Variants in CPZ observed in about 807,000 individuals in gnomAD.
The protein encoded by CPZ is VEZT/CPZ fusion.
Under a neutral mutation model 61.8 loss-of-function variants are expected in CPZ, and 103 were observed. The ratio of observed to expected loss-of-function variants is 1.67; its 90% CI spans 1.42 to 1.96. The LOEUF (loss-of-function observed/expected upper bound fraction) is 1.96. Ranked by LOEUF, CPZ falls within the 30% of genes most tolerant of loss-of-function variation. The pLI is 0.00. For synonymous variants in CPZ, 551 were observed against 373.7 expected (o/e 1.47, Z -5.47); for missense variants, 1,461 against 914.9 (o/e 1.60, Z -7.70).
intron 7 of CPZ, among the ~76,000 whole-genome samples, chr4:8,609,328 CTTTTTCACTCACTCAT>C (rs1171387141): frequency 6.8e-6 from 1 of 146,248 alleles, no homozygotes; most frequent in African/African-American, 2.5e-5. Context: ...TATTCACTCA[CTTTTTCACTCACTCAT>C]TCTCTCATTC....
At position 8,606,759 on chromosome 4, in the gene CPZ, C is replaced by T. The variant is rs780359404; in HGVS notation, c.929C>T (p.Thr310Met). ...AAEGAGYNGW[T>M]SGRQNAQNLD... Reference sequence around the variant, plus strand: ...CAGGGTGCCGGCTACAACGGGTGGACGAGCGGGAGGCAGAACGCGCAGAAC... The same window carrying T: ...CAGGGTGCCGGCTACAACGGGTGGATGAGCGGGAGGCAGAACGCGCAGAAC... The change falls in exon 6 of 11, where the codon ACG becomes ATG. Residue 310 changes from threonine to methionine, a missense_variant. Thr to Met is a moderately conservative substitution (Grantham distance 81). Transcript: ENST00000360986. The T allele has an allele frequency of 9.9e-6, 16 of 1,614,016 alleles. No homozygotes were observed. Among genetic ancestry groups the T allele is most frequent in the South Asian group, 3.3e-5 (3 of 91,092 alleles).
Position 8,618,488 on chromosome 4 carries a change from C to T in CPZ, c.1563C>T (p.Ala521=). 6.2e-7 allele frequency: 1 copy of T among 1,614,162 alleles called. No homozygotes were observed. ...AATTCGGCAAGCCAGTCAAAAACGC[C>T]CGGATCTCAGTCAAAGGCATTCGCC... ...TDKFGKPVKN[A]RISVKGIRHD... The change falls in exon 10 of 11, where the codon GCC becomes GCT. Residue 521 remains alanine, a synonymous_variant. Transcript: ENST00000360986.
chr4:8,605,580 C>CATCCATCCATCATCTATGCATCCATCA (rs148157562), intron 4 of CPZ, among the ~76,000 whole-genome samples: 1 of 149,776 alleles, frequency 6.7e-6, no homozygotes, highest in African/African-American at 2.5e-5. Context: ...TCCATCCAGC[C>CATCCATCCATCATCTATGCATCCATCA]ATCCAGCCAG....
chr4:8,608,192 G>A (rs1715213391), intron 7 of CPZ, among the ~76,000 whole-genome samples: 1 of 143,524 alleles, frequency 7.0e-6, no homozygotes, highest in Admixed American at 7.1e-5. Flanking sequence ...TGCCTGAACT[G>A]CCCCTAGTGG....
intron 7 of CPZ, among the ~76,000 whole-genome samples, chr4:8,608,049 G>A (rs1715193361): frequency 6.6e-6 from 1 of 152,180 alleles, no homozygotes; most frequent in Admixed American, 6.5e-5. Context: ...CCTGCTGGGG[G>A]AGGGCGCGGA....
intron 7 of CPZ, among the ~76,000 whole-genome samples, chr4:8,609,277 ACACT>A (rs1189634292): frequency 8.3e-6 from 1 of 121,012 alleles, no homozygotes; most frequent in Non-Finnish European, 1.7e-5. Context: ...ATTCATTCAC[ACACT>A]AATTTTCTCA....
Position 8,592,787 on chromosome 4 carries a change from C to A in CPZ, c.-47C>A. The A allele has an allele frequency of 1.5e-6, 2 of 1,308,552 alleles. No individual in the cohort carries two copies. Among genetic ancestry groups the A allele is most frequent in the Non-Finnish European group, 2.0e-6 (2 of 1,014,722 alleles). 81.1% of individuals were successfully genotyped at this position (1,308,552 alleles called of 1,614,324 possible). On this transcript the variant is annotated 5_prime_UTR_variant, in exon 1 of 11. Coordinates refer to ENST00000360986, the MANE Select transcript of CPZ (RefSeq NM_001014447.3). Reference sequence around the variant, plus strand: ...CGCAGAGCCCCGGCCCCGCGCGGCCCGAGTGCCACATCACTGCGCTGGCCG... The same window carrying A: ...CGCAGAGCCCCGGCCCCGCGCGGCCAGAGTGCCACATCACTGCGCTGGCCG...
chr4:8,614,476 C>A lies in CPZ; in HGVS notation c.1481C>A (p.Ser494Ter). 2 of 1,613,848 alleles carry A rather than the reference C, an allele frequency of 1.2e-6. No individual in the cohort carries two copies. The highest frequency in any genetic ancestry group is 8.5e-7 in the Non-Finnish European group (1 of 1,179,862). ...LYILWQHNKESLLNFVETVHR... is the reference protein window; with the variant it reads ...LYILWQHNKE ...ATACTCTGGCAGCACAACAAGGAGT[C>A]ACTCCTGAATTTCGTGGAGACGGTG... Residue 494 changes from serine (S) to a stop codon, truncating the protein, a stop_gained, in exon 9 of 11, where the codon TCA (serine) becomes TAA (stop). Transcript: ENST00000360986. LOFTEE classifies it high-confidence loss of function.
chr4:8,592,904 T>G lies in CPZ; in HGVS notation c.71T>G (p.Phe24Cys). The G allele has an allele frequency of 6.5e-7, 1 of 1,535,224 alleles. No individual in the cohort carries two copies. Among genetic ancestry groups the G allele is most frequent in the Non-Finnish European group, 8.7e-7 (1 of 1,144,254 alleles). The part of the protein sequence containing the change: ...VVAAARPGCE[F>C]ERNPAGECHR... Reference sequence around the variant, plus strand: ...GCCGCTGCCCGGCCGGGGTGCGAGTTTGAGCGGAACCCCGCCGGTAAGGCC... The same window carrying G: ...GCCGCTGCCCGGCCGGGGTGCGAGTGTGAGCGGAACCCCGCCGGTAAGGCC... Residue 24 changes from phenylalanine (F) to cysteine (C), a missense_variant, in exon 1 of 11, where the codon TTT becomes TGT. Physicochemically the swap from Phe to Cys is radical, Grantham distance 205. Coordinates refer to ENST00000360986, the MANE Select transcript of CPZ (RefSeq NM_001014447.3).
At chr4:8,593,807 T>C (rs1299105527) in intron 1 of CPZ, among the ~76,000 whole-genome samples, 1 of 152,214 alleles carries the variant, frequency 6.6e-6, no homozygotes, top group Non-Finnish European at 1.5e-5. Flanking sequence ...ACACTTTTCC[T>C]TTCCGTCCTG....
rs79969471 is a variant in CPZ at position 8,616,833 on chromosome 4, T to C, written c.1504-1596T>C. On this transcript the variant is annotated intron_variant, in intron 9 of 10. Coordinates refer to ENST00000360986, the MANE Select transcript of CPZ (RefSeq NM_001014447.3). The stretch of plus-strand genomic sequence containing the variant: ...CATTGTTTCAGGAGTGCGGTTCCAT[T>C]AAGCAGCGAAGTGTGGACAAGAGCA... Among the ~76,000 whole-genome samples, 2,280 of 152,310 alleles carry C rather than the reference T, an allele frequency of 0.015. 204 individuals carry two copies. The East Asian group carries it at 0.27, about 18-fold the overall frequency.
At position 8,606,776 on chromosome 4, in the gene CPZ, G is replaced by T. The variant is rs776364810; in HGVS notation, c.946G>T (p.Ala316Ser). Residue 316 changes from alanine (A) to serine (S), a missense_variant, in exon 6 of 11, where the codon GCG becomes TCG. Coordinates refer to ENST00000360986, the MANE Select transcript of CPZ (RefSeq NM_001014447.3). The part of the protein sequence containing the change: ...YNGWTSGRQN[A>S]QNLDLNRNFP... The stretch of plus-strand genomic sequence containing the variant: ...CGGGTGGACGAGCGGGAGGCAGAAC[G>T]CGCAGAACCTGGATCTGAACCGAAA... The T allele has an allele frequency of 6.2e-7, 1 of 1,614,164 alleles. No individual in the cohort carries two copies. The highest frequency in any genetic ancestry group is 1.1e-5 in the South Asian group (1 of 91,086).
chr4:8,618,167 C>T (rs1416002985), intron 9 of CPZ: 1 of 482,988 alleles, frequency 2.1e-6, no homozygotes, highest in East Asian at 3.9e-5. Context: ...GAGATGGAGT[C>T]AGCCAGGCCT....
At position 8,611,987 on chromosome 4, in the gene CPZ, A is replaced by T. The variant is rs551456489; in HGVS notation, c.1228-40A>T. The T allele has an allele frequency of 1.3e-4, 217 of 1,613,076 alleles. 3 individuals carry two copies. In the South Asian group the frequency reaches 2.2e-3, roughly 16 times the overall value. ...GACCCCAGCTCACAGGACGTCCTGC[A>T]GGGGACCCTTTCCTTATCTGAGCCA... is the stretch of plus-strand genomic sequence containing the variant. On this transcript the variant is annotated intron_variant, in intron 7 of 10. Transcript: ENST00000360986.
rs547143551 is a variant in CPZ at position 8,600,868 on chromosome 4, G to A, written c.122-255G>A. 8 of 1,166,720 alleles carry A rather than the reference G, an allele frequency of 6.9e-6. No individual in the cohort carries two copies. In the East Asian group the frequency reaches 1.0e-4, roughly 15 times the overall value. 72.3% of individuals were successfully genotyped at this position (1,166,720 alleles called of 1,614,324 possible). A position where few individuals can be genotyped will look rare whatever the true frequency, so the allele number is the denominator to read the frequency against. On this transcript the variant is annotated intron_variant, in intron 2 of 10. Transcript: ENST00000360986. ...GCACAGCTGCTTTGCAGATGGAGAC[G>A]CCGAGGCTCAGGGCAGCCTGCTGCG...
At chr4:8,600,500 A>T (rs1429535581) in intron 2 of CPZ, among the ~76,000 whole-genome samples, 1 of 152,196 alleles carries the variant, frequency 6.6e-6, no homozygotes, top group Admixed American at 6.5e-5. Flanking sequence ...TGCTAGGCCG[A>T]TGAGGGCCTT....
At chr4:8,594,791 G>A (rs1577105474) in intron 1 of CPZ, among the ~76,000 whole-genome samples, 1 of 121,158 alleles carries the variant, frequency 8.3e-6, no homozygotes, top group East Asian at 2.4e-4. Context: ...TTTTTTTTTT[G>A]AGATGGAGTC....
At chr4:8,595,736 T>C (rs149443541) in intron 1 of CPZ, among the ~76,000 whole-genome samples, 2 of 152,346 alleles carry the variant, frequency 1.3e-5, no homozygotes, top group African/African-American at 4.8e-5. Context: ...CACCTGTGAA[T>C]GGGAGCGTAC....
rs769198200 is a variant in CPZ, at chr4:8,618,529, G to T, written c.1603+1G>T. On this transcript the variant is annotated splice_donor_variant, in intron 10 of 10. Coordinates refer to ENST00000360986, the MANE Select transcript of CPZ (RefSeq NM_001014447.3). LOFTEE classifies it high-confidence loss of function. The stretch of plus-strand genomic sequence containing the variant: ...GGCATTCGCCACGACATCACCACAG[G>T]TGAGCACGTCCCTGGCTGTCCCCTG... 1.2e-6 allele frequency: 2 copies of T among 1,613,242 alleles called. No individual in the cohort carries two copies. The highest frequency in any genetic ancestry group is 1.7e-5 in the Admixed American group (1 of 60,012).
Sources: gnomAD v4.1 joint callset for allele counts (sites outside exome capture counted in the v4.1 genomes callset) on GRCh38, gnomAD v4.1.1 for gene constraint, MANE v1.5 for transcripts, NCBI Gene and HGNC (gene_info 2026-07-23, HGNC 2026-07-21) for gene names.